TAF2: variants seen among roughly 807,000 people sequenced by gnomAD.
TAF2 encodes TATA-box binding protein associated factor 2, also known as transcription initiation factor TFIID subunit 2.
In TAF2, 61 loss-of-function variants were observed where a neutral mutation model predicts 138.5. The ratio of observed to expected loss-of-function variants is 0.44; its 90% CI spans 0.36 to 0.54. The LOEUF (loss-of-function observed/expected upper bound fraction) is 0.54, where lower values mean the gene tolerates loss of function less well. Ranked by LOEUF, TAF2 falls within the 20% of genes least tolerant of loss-of-function variation. TAF2 has a pLI of 0.00. For missense variants in TAF2, 1,090 were observed against 1,427.9 expected (o/e 0.76, Z 3.81); for synonymous variants, 475 against 469.9 (o/e 1.01, Z -0.14).
chr8:119,831,653 T>G, intron 2 of TAF2, 24 bp downstream of exon 2: 1 of 1,576,904 alleles, frequency 6.3e-7, no homozygotes, highest in Non-Finnish European at 8.7e-7. Flanking sequence ...TGTTACTATT[T>G]ATAATTGTTG....
At chr8:119,744,078 T>TA (rs1183366381) in intron 24 of TAF2, among the ~76,000 whole-genome samples, 3 of 152,204 alleles carry the variant, frequency 2.0e-5, no homozygotes, top group African/African-American at 7.2e-5. Context: ...AGCAAATACT[T>TA]AAAAAGGACC....
At chr8:119,785,089 T>A in intron 15 of TAF2, 112 bp downstream of exon 15, 2 of 780,556 alleles carry the variant, frequency 2.6e-6, no homozygotes, top group Non-Finnish European at 4.3e-6. Flanking sequence ...ATTAAAATAA[T>A]GTTAAAGCAC....
intron 18 of TAF2, among the ~76,000 whole-genome samples, chr8:119,767,804 C>T (rs1027532046): frequency 2.0e-5 from 3 of 152,230 alleles, no homozygotes; most frequent in Admixed American, 2.0e-4. Context: ...AGTGCAGCCG[C>T]CCTGCCACTG....
At chr8:119,806,438 C>T in intron 3 of TAF2, 37 bp from the exon 4 acceptor site, 1 of 1,458,474 alleles carries the variant, frequency 6.9e-7, no homozygotes, top group Non-Finnish European at 9.6e-7. Context: ...AATAATAAGC[C>T]ATGTATCTTA....
At position 119,832,741 on chromosome 8, in the gene TAF2, C is replaced by A. The variant is rs1826548008; in HGVS notation, c.-177G>T. 2 of 536,254 alleles carry A rather than the reference C, an allele frequency of 3.7e-6. No homozygotes were observed. The highest frequency in any genetic ancestry group is 6.5e-6 in the Non-Finnish European group (2 of 306,196). 33.2% of individuals were successfully genotyped at this position (536,254 alleles called of 1,614,324 possible). On this transcript the variant is annotated 5_prime_UTR_variant, in exon 1 of 26. The change abolishes the stop of an existing upstream ORF in the 5' untranslated region. Transcript: ENST00000378164. ...GCCCGCCTCAACCTCGCTCCTTCGACTAGCTCCTAGAAGCCGCCGTCGACA... is the reference window on the plus strand; with the variant it reads ...GCCCGCCTCAACCTCGCTCCTTCGAATAGCTCCTAGAAGCCGCCGTCGACA...
chr8:119,743,558 T>C (rs1199008692), intron 24 of TAF2, among the ~76,000 whole-genome samples: 3 of 152,072 alleles, frequency 2.0e-5, no homozygotes, highest in African/African-American at 4.8e-5. Context: ...TTTTATTCCT[T>C]AAAAATTAGA....
At position 119,731,745 on chromosome 8, in the gene TAF2, A is replaced by C. The variant is rs1024255217; in HGVS notation, c.*179T>G. ...CCAGAACTACAAAACACATTTTCCT[A>C]ATTAGATCCCAACTGTATAAATAAC... is the stretch of plus-strand genomic sequence containing the variant. On this transcript the variant is annotated 3_prime_UTR_variant, in exon 26 of 26. Transcript: ENST00000378164. 9 of 656,514 alleles carry C rather than the reference A, an allele frequency of 1.4e-5. 1 individual carries two copies. Among genetic ancestry groups the C allele is most frequent in the Admixed American group, 2.8e-5 (1 of 36,304 alleles). 40.7% of individuals were successfully genotyped at this position (656,514 alleles called of 1,614,324 possible).
chr8:119,813,396 T>C (rs990882364), intron 3 of TAF2, among the ~76,000 whole-genome samples: 5 of 152,192 alleles, frequency 3.3e-5, no homozygotes, highest in African/African-American at 9.6e-5. Flanking sequence ...TTGAGGACAG[T>C]GGATATTTGG....
chr8:119,770,455 G>C (rs1351791744), intron 18 of TAF2, among the ~76,000 whole-genome samples: 1 of 152,044 alleles, frequency 6.6e-6, no homozygotes, highest in African/African-American at 2.4e-5. Flanking sequence ...TCTCTTTAAA[G>C]ACAAAAATTG....
At chr8:119,738,239 C>T (rs1819366312) in intron 25 of TAF2, among the ~76,000 whole-genome samples, 1 of 151,882 alleles carries the variant, frequency 6.6e-6, no homozygotes, top group Non-Finnish European at 1.5e-5. Context: ...TCTAATCTAA[C>T]GTGGTAAGAA....
chr8:119,781,226 T>A, intron 16 of TAF2, 33 bp from the exon 17 acceptor site: 6 of 1,612,816 alleles, frequency 3.7e-6, no homozygotes, highest in Non-Finnish European at 5.1e-6. Flanking sequence ...GTAATTTCCA[T>A]TACCAATGCA....
At chr8:119,791,683 G>C (rs1243834423) in intron 10 of TAF2, 2 of 466,654 alleles carry the variant, frequency 4.3e-6, no homozygotes, top group Non-Finnish European at 7.8e-6. Flanking sequence ...CAAACACCAA[G>C]CTCCTAGATG....
intron 18 of TAF2, among the ~76,000 whole-genome samples, chr8:119,764,380 CCTT>C (rs1821286607): frequency 6.6e-6 from 1 of 152,118 alleles, no homozygotes; most frequent in East Asian, 1.9e-4. Flanking sequence ...AACTGATTAG[CCTT>C]CTTTTCAAAA....
intron 20 of TAF2, 183 bp downstream of exon 20, chr8:119,760,416 C>T (rs1296251955): frequency 4.5e-6 from 3 of 669,054 alleles, no homozygotes; most frequent in African/African-American, 3.6e-5. Flanking sequence ...TTATTCCTTT[C>T]CCTCATTTAT....
intron 18 of TAF2, among the ~76,000 whole-genome samples, chr8:119,777,648 G>A (rs933876883): frequency 6.6e-6 from 1 of 152,130 alleles, no homozygotes; most frequent in Non-Finnish European, 1.5e-5. Flanking sequence ...AATCCCAATC[G>A]AGAACTCTTT....
chr8:119,806,890 T>C (rs995589333), intron 3 of TAF2, among the ~76,000 whole-genome samples: 3 of 152,226 alleles, frequency 2.0e-5, no homozygotes, highest in African/African-American at 7.2e-5. Flanking sequence ...TGTTAAAAAC[T>C]ATTAATCTAT....
At chr8:119,759,851 G>A (rs1820941109) in intron 20 of TAF2, among the ~76,000 whole-genome samples, 1 of 152,138 alleles carries the variant, frequency 6.6e-6, no homozygotes, top group Non-Finnish European at 1.5e-5. Flanking sequence ...CCCTAAAAAT[G>A]ACATAGCCAT....
intron 13 of TAF2, 48 bp downstream of exon 13, chr8:119,788,742 G>T (rs1012996773): frequency 3.0e-6 from 4 of 1,314,246 alleles, no homozygotes; most frequent in Non-Finnish European, 3.3e-6. Flanking sequence ...CTCTTCTATT[G>T]AAACTGAGGA....
chr8:119,791,275 CAT>C, intron 11 of TAF2, 47 bp downstream of exon 11: 1 of 1,599,142 alleles, frequency 6.3e-7, no homozygotes, highest in Middle Eastern at 1.9e-4. Flanking sequence ...AGATTATACA[CAT>C]ACAGATCTTT....
Sources: gnomAD v4.1 joint callset for allele counts (sites outside exome capture counted in the v4.1 genomes callset) on GRCh38, gnomAD v4.1.1 for gene constraint, MANE v1.5 for transcripts, NCBI Gene and HGNC (gene_info 2026-07-23, HGNC 2026-07-21) for gene names.